The following MTHFD2L variants were observed in gnomAD, a reference collection of about 807,000 sequenced individuals.
MTHFD2L encodes the protein methylenetetrahydrofolate dehydrogenase (NADP+ dependent) 2 like, also known as bifunctional methylenetetrahydrofolate dehydrogenase/cyclohydrolase 2, mitochondrial.
A neutral mutation model predicts 34.9 loss-of-function variants in MTHFD2L; 29 were observed. That is an observed-to-expected ratio of 0.83 (90% confidence interval 0.62 to 1.13). The LOEUF (loss-of-function observed/expected upper bound fraction) is 1.13, where lower values mean the gene tolerates loss of function less well. MTHFD2L is among the 50% of genes most tolerant of loss of function. MTHFD2L has a pLI of 0.00. For synonymous variants in MTHFD2L, 167 were observed against 155.7 expected, an observed-to-expected ratio of 1.07 and a Z score of -0.54; for missense variants, 481 against 446.5, an observed-to-expected ratio of 1.08 and a Z score of -0.70.
At chr4:74,118,228 T>C (rs2109767251) in intron 2 of MTHFD2L, among the ~76,000 whole-genome samples, 1 of 152,356 alleles carries the variant, frequency 6.6e-6, no homozygotes, top group South Asian at 2.1e-4. Context: ...AAAAGTTTGC[T>C]TTTCTTGTCT....
chr4:74,281,537 T>A lies in MTHFD2L; in HGVS notation c.918T>A (p.Asp306Glu). The change falls in exon 7 of 8, where the codon GAT (aspartate) becomes GAA (glutamate). Residue 306 changes from aspartate (D) to glutamate (E), a missense_variant. Coordinates refer to ENST00000325278, the MANE Select transcript of MTHFD2L (RefSeq NM_001144978.3). Reference sequence around the variant, plus strand: ...CAGGAAAGACAAAATTAGTTGGAGATGTGGACTTCGAAGGTAATAAACCAA... The same window carrying A: ...CAGGAAAGACAAAATTAGTTGGAGAAGTGGACTTCGAAGGTAATAAACCAA... ...PVTGKTKLVG[D>E]VDFEAVKKKA... 1 of 1,612,150 alleles carries A rather than the reference T, an allele frequency of 6.2e-7. No individual in the cohort carries two copies. The highest frequency in any genetic ancestry group is 8.5e-7 in the Non-Finnish European group (1 of 1,178,920).
chr4:74,144,325 C>T (rs141984995), intron 1 of MTHFD2L, among the ~76,000 whole-genome samples: 2,714 of 152,082 alleles, frequency 0.018, 33 homozygotes, highest in Non-Finnish European at 0.029. Flanking sequence ...TGGTGGCAGG[C>T]GCCTGTAGTC....
chr4:74,174,795 T>A (rs1728713986), intron 2 of MTHFD2L, 105 bp downstream of exon 2: 1 of 758,458 alleles, frequency 1.3e-6, no homozygotes, highest in South Asian at 3.6e-5. Flanking sequence ...CCATTTGAAT[T>A]GCATGTATTA....
chr4:74,138,187 T>C (rs1723064094), intron 1 of MTHFD2L, among the ~76,000 whole-genome samples: 1 of 152,174 alleles, frequency 6.6e-6, no homozygotes. Context: ...TTCCTTGCTT[T>C]GTCTGTTTGG....
At chr4:74,234,098 A>G (rs976220947) in intron 6 of MTHFD2L, among the ~76,000 whole-genome samples, 1 of 152,106 alleles carries the variant, frequency 6.6e-6, no homozygotes, top group Admixed American at 6.6e-5. Context: ...ATGATACATC[A>G]TTTAAACTTA....
intron 6 of MTHFD2L, among the ~76,000 whole-genome samples, chr4:74,243,387 T>C (rs1479837481): frequency 6.6e-6 from 1 of 152,162 alleles, no homozygotes; most frequent in East Asian, 1.9e-4. Context: ...TTTGGCTAAA[T>C]GGGGTGGGAT....
intron 3 of MTHFD2L, among the ~76,000 whole-genome samples, chr4:74,179,335 A>G (rs992003748): frequency 6.6e-6 from 1 of 152,118 alleles, no homozygotes; most frequent in African/African-American, 2.4e-5. Context: ...CCCTGTTTCC[A>G]TACTTATAAC....
At chr4:74,259,773 A>C (rs1744459624) in intron 6 of MTHFD2L, among the ~76,000 whole-genome samples, 1 of 151,862 alleles carries the variant, frequency 6.6e-6, no homozygotes, top group Non-Finnish European at 1.5e-5. Flanking sequence ...GCCAAGAAAA[A>C]CTCTCTTTGG....
intron 6 of MTHFD2L, among the ~76,000 whole-genome samples, chr4:74,247,553 G>C (rs1419823013): frequency 6.6e-6 from 1 of 152,092 alleles, no homozygotes; most frequent in Non-Finnish European, 1.5e-5. Flanking sequence ...TCCCTGTCTT[G>C]TGCCAGTTTT....
intron 6 of MTHFD2L, among the ~76,000 whole-genome samples, chr4:74,273,089 C>T (rs749412325): frequency 3.9e-5 from 6 of 152,084 alleles, no homozygotes; most frequent in South Asian, 2.1e-4. Flanking sequence ...TAATAGATAT[C>T]GATTTGAGGA....
chr4:74,245,055 C>T (rs1031842400), intron 6 of MTHFD2L, among the ~76,000 whole-genome samples: 1 of 151,848 alleles, frequency 6.6e-6, no homozygotes, highest in East Asian at 1.9e-4. Context: ...ATTAGCGAGG[C>T]GTCGTGGCAG....
At chr4:74,164,786 G>C (rs1275364295) in intron 1 of MTHFD2L, among the ~76,000 whole-genome samples, 2 of 152,196 alleles carry the variant, frequency 1.3e-5, no homozygotes, top group East Asian at 3.8e-4. Flanking sequence ...GTACTACATA[G>C]TGCTGCCCTG....
chr4:74,173,270 GA>G (rs1371170850), intron 1 of MTHFD2L, among the ~76,000 whole-genome samples: 1 of 152,172 alleles, frequency 6.6e-6, no homozygotes, highest in South Asian at 2.1e-4. Context: ...ATGGAGAGCA[GA>G]AAAGCCTTTC....
intron 3 of MTHFD2L, 33 bp from the exon 4 acceptor site, chr4:74,199,761 T>A (rs199694742): frequency 6.4e-7 from 1 of 1,561,580 alleles, no homozygotes; most frequent in African/African-American, 1.4e-5. Context: ...AAATAACAAT[T>A]TTAAAATTAG....
chr4:74,186,660 A>G (rs1220523941), intron 3 of MTHFD2L, among the ~76,000 whole-genome samples: 1 of 152,184 alleles, frequency 6.6e-6, no homozygotes, highest in Admixed American at 6.5e-5. Context: ...AAACTACAGA[A>G]CATTTCTGAG....
chr4:74,207,424 T>C (rs576337809), intron 5 of MTHFD2L, among the ~76,000 whole-genome samples: 13 of 152,288 alleles, frequency 8.5e-5, no homozygotes, highest in African/African-American at 2.9e-4. Context: ...CCAGTGGGTC[T>C]GGTGTTTTTC....
intron 1 of MTHFD2L, chr4:74,162,283 A>C (rs1170764724): frequency 6.6e-6 from 1 of 152,116 alleles, no homozygotes; most frequent in East Asian, 1.9e-4. Flanking sequence ...TTTATTGTCT[A>C]GTTCTTGGAA....
chr4:74,250,935 A>G (rs574977073), intron 6 of MTHFD2L, among the ~76,000 whole-genome samples: 4 of 152,306 alleles, frequency 2.6e-5, no homozygotes, highest in Non-Finnish European at 5.9e-5. Flanking sequence ...GCAAAATGGG[A>G]AAAATGCCTC....
At chr4:74,149,965 G>T (rs1400969782) in intron 1 of MTHFD2L, among the ~76,000 whole-genome samples, 2 of 152,142 alleles carry the variant, frequency 1.3e-5, no homozygotes, top group African/African-American at 4.8e-5. Context: ...GAGGCCTTTA[G>T]AATAGAGACC....
Sources: allele counts gnomAD v4.1 joint callset (sites outside exome capture counted in the v4.1 genomes callset), GRCh38; gene constraint gnomAD v4.1.1; transcripts MANE v1.5; gene names NCBI Gene and HGNC (gene_info 2026-07-23, HGNC 2026-07-21).